Variants in CNGB1 observed in about 807,000 individuals in gnomAD.
CNGB1 encodes cyclic nucleotide-gated channel beta-1.
Under a neutral mutation model 151.7 loss-of-function variants are expected in CNGB1, and 126 were observed. The ratio of observed to expected loss-of-function variants is 0.83; its 90% CI spans 0.72 to 0.96. CNGB1 has a LOEUF of 0.96. CNGB1 is among the 40% of genes least tolerant of loss of function. CNGB1 has a pLI of 0.00. For synonymous variants in CNGB1, 623 were observed against 635.1 expected (o/e 0.98, Z 0.29); for missense variants, 1,698 against 1,627.0 (o/e 1.04, Z -0.75).
intron 4 of CNGB1, among the ~76,000 whole-genome samples, chr16:57,963,321 G>C (rs1012592271): frequency 1.3e-5 from 2 of 152,144 alleles, no homozygotes; most frequent in African/African-American, 4.8e-5. Flanking sequence ...AAAGCTCCAC[G>C]TCCTTCTCTG....
At chr16:57,957,652 C>A (rs1348770387) in intron 11 of CNGB1, among the ~76,000 whole-genome samples, 1 of 152,236 alleles carries the variant, frequency 6.6e-6, no homozygotes, top group African/African-American at 2.4e-5. Context: ...GGAGCCAGGC[C>A]GAGCTCTTGA....
intron 16 of CNGB1, among the ~76,000 whole-genome samples, chr16:57,933,836 C>T (rs972865666): frequency 1.3e-5 from 2 of 151,510 alleles, no homozygotes; most frequent in Admixed American, 1.3e-4. Context: ...CATTCTCCTG[C>T]CTCAGACTCC....
rs1337916210 is a variant in CNGB1 at position 57,959,983 on chromosome 16, C to T, written c.666G>A (p.Gln222=). The change falls in exon 10 of 33, where the codon CAG becomes CAA. Residue 222 remains glutamine (Q), a synonymous_variant. Coordinates refer to ENST00000251102, the MANE Select transcript of CNGB1 (RefSeq NM_001297.5). ...TPSLPTPIPL[Q]PKEEPKEAPA... ...GTGCCTCCTTGGGTTCCTCCTTGGGCTGCAGGGGGATGGGTGTGGGCAGGG... is the reference window on the plus strand; with the variant it reads ...GTGCCTCCTTGGGTTCCTCCTTGGGTTGCAGGGGGATGGGTGTGGGCAGGG... 2 of 1,591,308 alleles carry T rather than the reference C, an allele frequency of 1.3e-6. No individual in the cohort carries two copies. Among genetic ancestry groups the T allele is most frequent in the South Asian group, 1.1e-5 (1 of 87,500 alleles).
chr16:57,889,314 C>T (rs1341317983), intron 31 of CNGB1, among the ~76,000 whole-genome samples: 3 of 152,278 alleles, frequency 2.0e-5, no homozygotes, highest in East Asian at 3.9e-4. Flanking sequence ...CCCTTGATGA[C>T]TTTGATGTAG....
rs1401844705 is a variant in CNGB1 at position 57,882,783 on chromosome 16, TTTTTTTTTCTTTTTTC to T, written c.*1365_*1380del. 9 of 146,096 alleles carry T rather than the reference TTTTTTTTTCTTTTTTC, an allele frequency of 6.2e-5. No homozygotes were observed. The highest frequency in any genetic ancestry group is 2.2e-4 in the African/African-American group (9 of 40,040). 9.0% of individuals were successfully genotyped at this position (146,096 alleles called of 1,614,324 possible). ...TCATTCCCTGAATGACCCTTTTTTC[TTTTTTTTTCTTTTTTC>T]TTTTTTTTTTTTTGTCTGAATCATA... On this transcript the variant is annotated 3_prime_UTR_variant, in exon 33 of 33. Transcript: ENST00000251102.
intron 12 of CNGB1, among the ~76,000 whole-genome samples, chr16:57,953,865 C>A (rs73545172): frequency 0.21 from 31,705 of 150,808 alleles, 3,458 homozygotes; most frequent in Middle Eastern, 0.29. Flanking sequence ...GCTTGGTCAT[C>A]AAAGAAAAAA....
chr16:57,901,288 A>G, intron 29 of CNGB1, 64 bp downstream of exon 29: 2 of 1,511,760 alleles, frequency 1.3e-6, no homozygotes, highest in Non-Finnish European at 1.8e-6. Flanking sequence ...CCTCCAGCTC[A>G]GTTCCTTGAA....
At chr16:57,953,602 C>T (rs1392515175) in intron 12 of CNGB1, among the ~76,000 whole-genome samples, 3 of 152,074 alleles carry the variant, frequency 2.0e-5, no homozygotes, top group Non-Finnish European at 4.4e-5. Flanking sequence ...CTAAGGTCCC[C>T]ACCTGGACCC....
At chr16:57,961,850 G>A (rs1274155321) in intron 7 of CNGB1, among the ~76,000 whole-genome samples, 1 of 152,210 alleles carries the variant, frequency 6.6e-6, no homozygotes, top group Non-Finnish European at 1.5e-5. Context: ...GTGAAGGAAC[G>A]AATGAATGGG....
chr16:57,933,815 C>T (rs1961429182), intron 16 of CNGB1, among the ~76,000 whole-genome samples: 1 of 147,592 alleles, frequency 6.8e-6, no homozygotes, highest in African/African-American at 2.5e-5. Flanking sequence ...CTCTGCCTCC[C>T]AGGTTCAAGC....
At chr16:57,938,954 C>T (rs1411912824) in intron 16 of CNGB1, among the ~76,000 whole-genome samples, 1 of 152,144 alleles carries the variant, frequency 6.6e-6, no homozygotes, top group Admixed American at 6.5e-5. Context: ...ACATGGAGTC[C>T]AGGACACTCT....
At chr16:57,966,670 T>C (rs953502257) in intron 2 of CNGB1, among the ~76,000 whole-genome samples, 1 of 152,218 alleles carries the variant, frequency 6.6e-6, no homozygotes, top group African/African-American at 2.4e-5. Flanking sequence ...CATCATGGAC[T>C]AGTAATAAAC....
Position 57,916,241 on chromosome 16 carries a change from G to A in CNGB1, c.2167-62C>T, listed in dbSNP as rs376847664. 7.9e-6 allele frequency: 12 copies of A among 1,523,652 alleles called. No individual in the cohort carries two copies. In the African/African-American group the frequency reaches 1.6e-4, roughly 21 times the overall value. 94.4% of individuals were successfully genotyped at this position (1,523,652 alleles called of 1,614,324 possible). ...ACAGCTTAATCTCTGACCCTGTGGA[G>A]CAATTGTGAAACTTCCCCAAGAACC... is the stretch of plus-strand genomic sequence containing the variant. On this transcript the variant is annotated intron_variant, in intron 21 of 32. Coordinates refer to ENST00000251102, the MANE Select transcript of CNGB1 (RefSeq NM_001297.5).
At chr16:57,947,008 T>A (rs768397848) in intron 14 of CNGB1, among the ~76,000 whole-genome samples, 28 of 152,212 alleles carry the variant, frequency 1.8e-4, no homozygotes, top group Non-Finnish European at 2.9e-5. Context: ...TGCACACACA[T>A]GTATGAATAT....
At chr16:57,945,789 G>A (rs534366459) in intron 14 of CNGB1, among the ~76,000 whole-genome samples, 11 of 152,318 alleles carry the variant, frequency 7.2e-5, no homozygotes, top group South Asian at 6.2e-4. Context: ...TGCCTTAGCC[G>A]TGAGTGGCAT....
chr16:57,897,083 T>G (rs565170880), intron 31 of CNGB1, among the ~76,000 whole-genome samples: 13 of 152,216 alleles, frequency 8.5e-5, no homozygotes, highest in South Asian at 2.1e-4. Flanking sequence ...GCAGATCATG[T>G]GAGCCCAGGA....
chr16:57,889,425 A>G (rs1960026296), intron 31 of CNGB1, among the ~76,000 whole-genome samples: 1 of 152,146 alleles, frequency 6.6e-6, no homozygotes, highest in Non-Finnish European at 1.5e-5. Context: ...CTACAACCCC[A>G]AGGAACTGAA....
intron 19 of CNGB1, among the ~76,000 whole-genome samples, chr16:57,919,913 A>T (rs1474112681): frequency 6.6e-6 from 1 of 152,128 alleles, no homozygotes; most frequent in Non-Finnish European, 1.5e-5. Flanking sequence ...AGATCTAAAA[A>T]ATCTCCCTGA....
At chr16:57,915,030 G>A (rs908759668) in intron 23 of CNGB1, among the ~76,000 whole-genome samples, 3 of 152,208 alleles carry the variant, frequency 2.0e-5, no homozygotes, top group African/African-American at 7.2e-5. Flanking sequence ...TTTGTAAAAT[G>A]CTGGCAATAA....
Sources: allele counts gnomAD v4.1 joint callset (sites outside exome capture counted in the v4.1 genomes callset), GRCh38; gene constraint gnomAD v4.1.1; transcripts MANE v1.5; gene names NCBI Gene and HGNC (gene_info 2026-07-23, HGNC 2026-07-21).